The following NRXN3 variants were observed in gnomAD, a reference collection of about 807,000 sequenced individuals.
The protein encoded by NRXN3 is neurexin III.
In NRXN3, 32 loss-of-function variants were observed where a neutral mutation model predicts 137.6. The observed-to-expected ratio is 0.23, with a 90% CI of 0.18 to 0.31. The LOEUF (loss-of-function observed/expected upper bound fraction) is 0.31, where lower values mean the gene tolerates loss of function less well. Among genes scored for constraint, NRXN3 ranks in the 10% least tolerant of loss-of-function variants. NRXN3 has a pLI of 1.00. For missense variants in NRXN3, 1,574 were observed against 2,062.5 expected (o/e 0.76, Z 4.59); for synonymous variants, 798 against 784.5 (o/e 1.02, Z -0.29).
chr14:79,740,768 A>G (rs1191294878), intron 19 of NRXN3, among the ~76,000 whole-genome samples: 28 of 107,270 alleles, frequency 2.6e-4, no homozygotes, highest in East Asian at 6.0e-4. Context: ...ATATATATAT[A>G]ACCTTACTTC....
chr14:78,200,133 C>A (rs199795817), intron 1 of NRXN3, among the ~76,000 whole-genome samples: 2 of 152,156 alleles, frequency 1.3e-5, no homozygotes, highest in East Asian at 3.9e-4. Context: ...TTGGAAAGTC[C>A]TTGCTGGTTC....
At chr14:79,328,780 A>G (rs924090985) in intron 15 of NRXN3, among the ~76,000 whole-genome samples, 4 of 152,226 alleles carry the variant, frequency 2.6e-5, no homozygotes, top group Non-Finnish European at 1.5e-5. Flanking sequence ...TGCAGTGCAT[A>G]TATGTTTTGT....
chr14:78,838,844 G>A (rs1391714711), intron 10 of NRXN3, among the ~76,000 whole-genome samples: 3 of 152,140 alleles, frequency 2.0e-5, no homozygotes, highest in Admixed American at 6.6e-5. Flanking sequence ...CTGTGCAGGG[G>A]TAGGTGGCCT....
intron 15 of NRXN3, among the ~76,000 whole-genome samples, chr14:79,368,826 G>C (rs2093989281): frequency 6.6e-6 from 1 of 152,094 alleles, no homozygotes; most frequent in African/African-American, 2.4e-5. Flanking sequence ...TCAACCATTT[G>C]TTCCATTTAA....
At chr14:78,628,791 G>A (rs2097492193) in intron 4 of NRXN3, among the ~76,000 whole-genome samples, 1 of 152,170 alleles carries the variant, frequency 6.6e-6, no homozygotes, top group Admixed American at 6.5e-5. Context: ...CACTGTCCAG[G>A]CTAGCAGCCA....
At chr14:79,690,232 T>C (rs1001380193) in intron 17 of NRXN3, among the ~76,000 whole-genome samples, 1 of 151,138 alleles carries the variant, frequency 6.6e-6, no homozygotes, top group Non-Finnish European at 1.5e-5. Context: ...ACGTTCTTTT[T>C]CTATGAAAAC....
intron 15 of NRXN3, among the ~76,000 whole-genome samples, chr14:79,363,745 T>C (rs2093773702): frequency 6.6e-6 from 1 of 152,234 alleles, no homozygotes; most frequent in African/African-American, 2.4e-5. Flanking sequence ...TCATTCCAGC[T>C]CCTGCATAGA....
At chr14:79,370,449 G>A (rs1387345017) in intron 15 of NRXN3, among the ~76,000 whole-genome samples, 3 of 151,684 alleles carry the variant, frequency 2.0e-5, no homozygotes, top group Non-Finnish European at 4.4e-5. Context: ...CTCCCGAGTA[G>A]CTGGGATTAC....
At chr14:79,196,148 A>G (rs2065100775) in intron 15 of NRXN3, among the ~76,000 whole-genome samples, 2 of 152,208 alleles carry the variant, frequency 1.3e-5, no homozygotes, top group South Asian at 2.1e-4. Context: ...TATAGAGGCT[A>G]TTGGCAGATT....
At position 78,354,197 on chromosome 14, in the gene NRXN3, G is replaced by A. The variant is rs78056490; in HGVS notation, c.757+56337G>A. Among the ~76,000 whole-genome samples, 10 of 152,292 alleles carry A rather than the reference G, an allele frequency of 6.6e-5. 1 individual carries two copies. The highest frequency in any genetic ancestry group is 2.4e-4 in the African/African-American group (10 of 41,566). On this transcript the variant is annotated intron_variant, in intron 4 of 20. Transcript: ENST00000335750. ...TTACTTATCTCTGTATCTTCAAAAG[G>A]TGGAAGCCTCTGTAGACATCTGGAG... is the stretch of plus-strand genomic sequence containing the variant.
At chr14:79,222,959 A>C (rs7159422) in intron 15 of NRXN3, among the ~76,000 whole-genome samples, 4,191 of 152,140 alleles carry the variant, frequency 0.028, 140 homozygotes, top group South Asian at 0.086. Context: ...TTTTCCCATT[A>C]TGGCTTATCT....
At chr14:78,179,757 T>C (rs2059609329) in intron 1 of NRXN3, among the ~76,000 whole-genome samples, 1 of 151,542 alleles carries the variant, frequency 6.6e-6, no homozygotes, top group African/African-American at 2.4e-5. Flanking sequence ...CTTTGGTTTA[T>C]AGAGACTGTG....
At chr14:78,787,161 G>T (rs2153042591) in intron 8 of NRXN3, among the ~76,000 whole-genome samples, 1 of 152,252 alleles carries the variant, frequency 6.6e-6, no homozygotes, top group South Asian at 2.1e-4. Flanking sequence ...GACCCAGTTT[G>T]TCCTTGTAAG....
intron 15 of NRXN3, among the ~76,000 whole-genome samples, chr14:79,402,178 C>T (rs1305862726): frequency 6.6e-6 from 1 of 152,142 alleles, no homozygotes; most frequent in Admixed American, 6.6e-5. Flanking sequence ...TCAAGTGATC[C>T]TCCCACCTTG....
chr14:78,927,613 A>G (rs888574888), intron 10 of NRXN3, among the ~76,000 whole-genome samples: 2 of 152,080 alleles, frequency 1.3e-5, no homozygotes, highest in African/African-American at 4.8e-5. Flanking sequence ...TATTTTACCT[A>G]TGCTGCTCAT....
chr14:78,250,345 G>T (rs1165589191), intron 2 of NRXN3, among the ~76,000 whole-genome samples: 1 of 152,198 alleles, frequency 6.6e-6, no homozygotes, highest in Non-Finnish European at 1.5e-5. Flanking sequence ...CTGACTCTGG[G>T]CTATTGGTTT....
At chr14:78,187,529 G>A (rs1441308499) in intron 1 of NRXN3, among the ~76,000 whole-genome samples, 2 of 152,096 alleles carry the variant, frequency 1.3e-5, no homozygotes, top group South Asian at 2.1e-4. Context: ...TACCCACATG[G>A]TCTGATGTTA....
chr14:78,864,401 A>G (rs1455723665), intron 10 of NRXN3, among the ~76,000 whole-genome samples: 1 of 152,184 alleles, frequency 6.6e-6, no homozygotes, highest in African/African-American at 2.4e-5. Context: ...GATTCCTGCC[A>G]GAATTATATG....
chr14:78,986,646 G>T (rs978499656), intron 14 of NRXN3, among the ~76,000 whole-genome samples: 2 of 152,060 alleles, frequency 1.3e-5, no homozygotes, highest in African/African-American at 4.8e-5. Flanking sequence ...TTAATTAAAA[G>T]AAACACAATT....
Sources: gnomAD v4.1 joint callset for allele counts (sites outside exome capture counted in the v4.1 genomes callset) on GRCh38, gnomAD v4.1.1 for gene constraint, MANE v1.5 for transcripts, NCBI Gene and HGNC (gene_info 2026-07-23, HGNC 2026-07-21) for gene names.